Variants in SMCHD1 observed in about 807,000 individuals in gnomAD.
SMCHD1 encodes the protein structural maintenance of chromosomes flexible hinge domain-containing protein 1.
A neutral mutation model predicts 254.7 loss-of-function variants in SMCHD1; 78 were observed. That is an observed-to-expected ratio of 0.31 (90% CI 0.26 to 0.37). SMCHD1 has a LOEUF of 0.37. Among genes scored for constraint, SMCHD1 ranks in the 10% least tolerant of loss-of-function variants. The pLI, the probability that SMCHD1 is intolerant of heterozygous loss-of-function variation, is 1.00. For synonymous variants in SMCHD1, 766 were observed against 794.9 expected (o/e 0.96, Z 0.61); for missense variants, 1,840 against 2,408.1 (o/e 0.76, Z 4.94).
chr18:2,666,855 C>T lies in SMCHD1; in HGVS notation c.263-15C>T, dbSNP rs758082463. On this transcript the variant is annotated splice_polypyrimidine_tract_variant and intron_variant, in intron 2 of 47. Coordinates refer to ENST00000320876, the MANE Select transcript of SMCHD1 (RefSeq NM_015295.3). ...ATGCTGACCTAGCACTTATGATTTTCACTCTTGATTACAGATGAAACTGTT... is the reference window on the plus strand; with the variant it reads ...ATGCTGACCTAGCACTTATGATTTTTACTCTTGATTACAGATGAAACTGTT... 7 of 1,596,194 alleles carry T rather than the reference C, an allele frequency of 4.4e-6. No individual in the cohort carries two copies. In the Admixed American group the frequency reaches 1.2e-4, roughly 28 times the overall value.
At chr18:2,786,738 G>A (rs745652612) in intron 45 of SMCHD1, among the ~76,000 whole-genome samples, 11 of 151,974 alleles carry the variant, frequency 7.2e-5, no homozygotes, top group Admixed American at 2.0e-4. Context: ...TTTCTTTTTG[G>A]CTCCTCCACT....
At chr18:2,772,503 C>T in intron 41 of SMCHD1, 131 bp downstream of exon 41, 1 of 687,702 alleles carries the variant, frequency 1.5e-6, no homozygotes, top group Non-Finnish European at 2.2e-6. Context: ...AGTACCTGCT[C>T]TCATTATTGC....
chr18:2,728,468 C>G lies in SMCHD1; in HGVS notation c.2785C>G (p.Arg929Gly). Residue 929 changes from arginine (R) to glycine (G), a missense_variant, in exon 23 of 48, where the codon CGA becomes GGA. Arg to Gly is a moderately radical substitution (Grantham distance 125). This residue lies in a region of SMCHD1 where 881 missense variants were observed against 1,009.5 expected (regional missense o/e 0.87). Transcript: ENST00000320876. ...KIRLLPGHPR[R>G]LKVKPDSEIL... is the part of the protein sequence containing the mutation. ...TAATTTACTGTTAGGTCACCCTCGTCGACTGAAAGTGAAACCTGATTCTGA... is the reference window on the plus strand; with the variant it reads ...TAATTTACTGTTAGGTCACCCTCGTGGACTGAAAGTGAAACCTGATTCTGA... The G allele has an allele frequency of 6.2e-7, 1 of 1,612,252 alleles. No homozygotes were observed. Among genetic ancestry groups the G allele is most frequent in the Non-Finnish European group, 8.5e-7 (1 of 1,179,162 alleles).
At chr18:2,672,924 A>G (rs1299241559) in intron 3 of SMCHD1, among the ~76,000 whole-genome samples, 1 of 152,138 alleles carries the variant, frequency 6.6e-6, no homozygotes, top group Non-Finnish European at 1.5e-5. Flanking sequence ...CTTACTTTGG[A>G]CTTGTGCTTG....
chr18:2,709,912 T>G (rs1450984225), intron 17 of SMCHD1, among the ~76,000 whole-genome samples: 1 of 152,202 alleles, frequency 6.6e-6, no homozygotes, highest in Non-Finnish European at 1.5e-5. Context: ...GACAAACAAT[T>G]AGTTTCTTTT....
At chr18:2,760,822 C>G (rs953232138) in intron 35 of SMCHD1, 83 bp downstream of exon 35, 4 of 671,188 alleles carry the variant, frequency 6.0e-6, no homozygotes, top group Non-Finnish European at 1.0e-5. Context: ...CATGAAATAG[C>G]TTCACATTTT....
At chr18:2,742,261 T>C (rs140440118) in intron 28 of SMCHD1, among the ~76,000 whole-genome samples, 1 of 152,338 alleles carries the variant, frequency 6.6e-6, no homozygotes, top group East Asian at 1.9e-4. Flanking sequence ...TCTACTTCTG[T>C]CTTTCTGTAA....
At chr18:2,678,247 C>CTT (rs1269903710) in intron 5 of SMCHD1, among the ~76,000 whole-genome samples, 4 of 35,276 alleles carry the variant, frequency 1.1e-4, no homozygotes, top group African/African-American at 1.9e-4. Context: ...TTCTTTCGTT[C>CTT]TTTCTTTCTC....
chr18:2,659,378 A>T (rs2073176441), intron 1 of SMCHD1, among the ~76,000 whole-genome samples: 1 of 152,186 alleles, frequency 6.6e-6, no homozygotes, highest in Non-Finnish European at 1.5e-5. Flanking sequence ...TTGGCCTCCC[A>T]AAGTGCTGGG....
intron 45 of SMCHD1, among the ~76,000 whole-genome samples, chr18:2,786,226 G>A (rs757925881): frequency 6.6e-6 from 1 of 152,010 alleles, no homozygotes; most frequent in Non-Finnish European, 1.5e-5. Flanking sequence ...CTGGCCTTAA[G>A]TGATCCACCT....
Position 2,655,881 on chromosome 18 carries a change from G to T in SMCHD1, c.-195G>T, listed in dbSNP as rs1421212005. 1 of 375,120 alleles carries T rather than the reference G, an allele frequency of 2.7e-6. No individual in the cohort carries two copies. Among genetic ancestry groups the T allele is most frequent in the Non-Finnish European group, 4.7e-6 (1 of 213,178 alleles). 23.2% of individuals were successfully genotyped at this position (375,120 alleles called of 1,614,324 possible). The stretch of plus-strand genomic sequence containing the variant: ...AGTGACGTGGTGCACGGGCAGGAGC[G>T]CGTTTGAATCGGTTCCCGGGTGATC... On this transcript the variant is annotated 5_prime_UTR_variant, in exon 1 of 48. Transcript: ENST00000320876.
Position 2,707,835 on chromosome 18 carries a change from A to G in SMCHD1, c.2175A>G (p.Lys725=), listed in dbSNP as rs763484218. ...CGTTAAGAATTGAAATACTGAATAA[A>G]AAAGGGGAAGCAATGCAAAAGCTTC... ...IGALRIEILN[K]KGEAMQKLPG... The change falls in exon 17 of 48, where the codon AAA becomes AAG. Residue 725 remains lysine (K), a synonymous_variant. Transcript: ENST00000320876. The G allele has an allele frequency of 6.8e-6, 11 of 1,608,384 alleles. No individual in the cohort carries two copies. The highest frequency in any genetic ancestry group is 1.7e-5 in the Admixed American group (1 of 59,116).
chr18:2,680,276 A>G (rs2073895205), intron 5 of SMCHD1, among the ~76,000 whole-genome samples: 1 of 151,756 alleles, frequency 6.6e-6, no homozygotes, highest in Non-Finnish European at 1.5e-5. Flanking sequence ...TTATAATAAT[A>G]TAATGTAGCA....
intron 12 of SMCHD1, among the ~76,000 whole-genome samples, chr18:2,701,766 C>T (rs1226011213): frequency 6.6e-6 from 1 of 152,028 alleles, no homozygotes; most frequent in Non-Finnish European, 1.5e-5. Flanking sequence ...ATTCTGTGAA[C>T]AGACCTCAGA....
chr18:2,774,414 T>G (rs2076033124), intron 41 of SMCHD1, among the ~76,000 whole-genome samples: 2 of 152,074 alleles, frequency 1.3e-5, no homozygotes, highest in Non-Finnish European at 2.9e-5. Flanking sequence ...ATGTGTTTTG[T>G]TTTTTGGCTT....
At chr18:2,711,370 T>A (rs2074665822) in intron 17 of SMCHD1, among the ~76,000 whole-genome samples, 1 of 151,980 alleles carries the variant, frequency 6.6e-6, no homozygotes, top group Non-Finnish European at 1.5e-5. Flanking sequence ...AGTGTTAGGA[T>A]TACAGGCATG....
At chr18:2,741,289 C>G (rs2075345657) in intron 28 of SMCHD1, among the ~76,000 whole-genome samples, 1 of 152,098 alleles carries the variant, frequency 6.6e-6, no homozygotes, top group African/African-American at 2.4e-5. Context: ...CTAAAACAAA[C>G]AAGCATGCTG....
Position 2,673,328 on chromosome 18 carries a change from C to T in SMCHD1, c.472C>T (p.Arg158Cys), listed in dbSNP as rs199543594. The T allele has an allele frequency of 2.5e-6, 4 of 1,582,618 alleles. No homozygotes were observed. The highest frequency in any genetic ancestry group is 2.3e-5 in the South Asian group (2 of 87,340). Residue 158 changes from arginine (R) to cysteine (C), a missense_variant, in exon 4 of 48, where the codon CGT (arginine) becomes TGT (cysteine). Arg to Cys is a radical substitution (Grantham distance 180). Transcript: ENST00000320876. ...TGACAATTCATTGTCTGCTACTTCTCGTAACATTGGGGTTAGAAGAATACA... is the reference window on the plus strand; with the variant it reads ...TGACAATTCATTGTCTGCTACTTCTTGTAACATTGGGGTTAGAAGAATACA... ...LIDNSLSATS[R>C]NIGVRRIQIK...
chr18:2,667,187 A>T (rs1373861504), intron 3 of SMCHD1, among the ~76,000 whole-genome samples, 156 bp downstream of exon 3: 1 of 152,088 alleles, frequency 6.6e-6, no homozygotes, highest in African/African-American at 2.4e-5. Flanking sequence ...CGGTATTATT[A>T]TGTCTTCTAC....
Sources: allele counts gnomAD v4.1 joint callset (sites outside exome capture counted in the v4.1 genomes callset), GRCh38; gene constraint gnomAD v4.1.1; regional missense constraint gnomAD v4.1.1; transcripts MANE v1.5; gene names NCBI Gene and HGNC (gene_info 2026-07-23, HGNC 2026-07-21).